The following RAB3IL1 variants were observed in gnomAD, a reference collection of about 807,000 sequenced individuals.
RAB3IL1 encodes RAB3A interacting protein like 1.
A neutral mutation model predicts 49.2 loss-of-function variants in RAB3IL1; 37 were observed. The observed-to-expected ratio is 0.75, with a 90% CI of 0.58 to 0.99. The LOEUF (loss-of-function observed/expected upper bound fraction) is 0.99, where lower values mean the gene tolerates loss of function less well. Among genes scored for constraint, RAB3IL1 ranks in the 50% least tolerant of loss-of-function variants. RAB3IL1 has a pLI of 0.00. For missense variants in RAB3IL1, 484 were observed against 513.0 expected (o/e 0.94, Z 0.55); for synonymous variants, 193 against 213.9 (o/e 0.90, Z 0.85).
upstream of RAB3IL1, among the ~76,000 whole-genome samples, chr11:61,920,931 AAAAC>A (rs777949894): frequency 3.9e-5 from 6 of 152,202 alleles, no homozygotes; most frequent in Non-Finnish European, 8.8e-5. Flanking sequence ...CTCAAAAAAC[AAAAC>A]AAACAAACAA....
In RAB3IL1 at chr11:61,898,466, C is replaced by T; in HGVS notation, c.1067-106G>A. The T allele has an allele frequency of 1.1e-6, 1 of 894,166 alleles. No homozygotes were observed. Among genetic ancestry groups the T allele is most frequent in the Non-Finnish European group, 1.8e-6 (1 of 554,080 alleles). The allele number at this position is 894,166 out of a possible 1,614,324, so 55.4% of individuals were successfully genotyped here. Reference sequence around the variant, plus strand: ...TTGGACAGAGCAGCTGGCACAGCACCCTAGGGTCCCCGGCCCCCAAAACAG... The same window carrying T: ...TTGGACAGAGCAGCTGGCACAGCACTCTAGGGTCCCCGGCCCCCAAAACAG... On this transcript the variant is annotated intron_variant, in intron 9 of 9. Coordinates refer to ENST00000394836, the MANE Select transcript of RAB3IL1 (RefSeq NM_013401.4). The surrounding 1 kb of genome is among the most constrained non-coding windows in gnomAD (Gnocchi z 5.1).
rs894352240 is a variant in RAB3IL1, at chr11:61,897,789, G to A, written c.*489C>T. The A allele has an allele frequency of 1.3e-5, 2 of 159,284 alleles. No individual in the cohort carries two copies. Among genetic ancestry groups the A allele is most frequent in the South Asian group, 1.7e-4 (1 of 5,772 alleles). The allele number at this position is 159,284 out of a possible 1,614,324, so 9.9% of individuals were successfully genotyped here. On this transcript the variant is annotated 3_prime_UTR_variant, in exon 10 of 10. Transcript: ENST00000394836. ...CTAGTAGTCCAATAGGGAGGCCACC[G>A]GGAACAAGGCACAGGATGGCCACAA...
chr11:61,902,647 G>T, intron 7 of RAB3IL1, 106 bp from the exon 8 acceptor site: 2 of 1,028,010 alleles, frequency 1.9e-6, no homozygotes, highest in Non-Finnish European at 2.9e-6. Flanking sequence ...ATGGGGAGGG[G>T]CAGGCCTCCC....
chr11:61,933,852 G>C, the RAB3IL1 span, among the ~76,000 whole-genome samples: 2 of 152,084 alleles, frequency 1.3e-5, no homozygotes, highest in Non-Finnish European at 2.9e-5. Flanking sequence ...GGCTGAGGCA[G>C]GAGAATCACT....
chr11:61,909,764 T>C (rs1939377084), intron 1 of RAB3IL1, among the ~76,000 whole-genome samples: 1 of 152,190 alleles, frequency 6.6e-6, no homozygotes, highest in African/African-American at 2.4e-5. Context: ...GGGGACTCAC[T>C]CTGCCAGACT....
chr11:61,918,624 C>T (rs1014361206), upstream of RAB3IL1, among the ~76,000 whole-genome samples: 4 of 152,220 alleles, frequency 2.6e-5, no homozygotes, highest in African/African-American at 9.6e-5. Context: ...TGGGGCTCCA[C>T]GTTGGTGGAG....
intron 6 of RAB3IL1, 31 bp downstream of exon 6, chr11:61,904,723 C>T (rs1165810047): frequency 1.9e-6 from 3 of 1,577,350 alleles, no homozygotes; most frequent in African/African-American, 1.3e-5. Flanking sequence ...GGGTGTGTCC[C>T]CCAGCTGGCC....
intron 8 of RAB3IL1, among the ~76,000 whole-genome samples, chr11:61,900,220 C>G (rs1296143052): frequency 6.6e-6 from 1 of 152,248 alleles, no homozygotes; most frequent in East Asian, 1.9e-4. Context: ...AGGCCACATC[C>G]TGGCTGGACT....
the RAB3IL1 span, among the ~76,000 whole-genome samples, chr11:61,927,833 C>T: frequency 4.6e-5 from 7 of 152,212 alleles, no homozygotes; most frequent in African/African-American, 1.2e-4. Context: ...CAGCCATGAT[C>T]GTAAGTTTCC....
At chr11:61,933,384 G>T in the RAB3IL1 span, among the ~76,000 whole-genome samples, 1 of 152,150 alleles carries the variant, frequency 6.6e-6, no homozygotes, top group Non-Finnish European at 1.5e-5. Flanking sequence ...AGGAGTGCTG[G>T]CAGCCACCAG....
chr11:61,917,496 C>A lies in RAB3IL1; in HGVS notation c.-129G>T. 8.7e-7 allele frequency: 1 copy of A among 1,142,870 alleles called. No individual in the cohort carries two copies. The highest frequency in any genetic ancestry group is 1.1e-6 in the Non-Finnish European group (1 of 932,646). The allele number at this position is 1,142,870 out of a possible 1,614,324, so 70.8% of individuals were successfully genotyped here. On this transcript the variant is annotated 5_prime_UTR_variant, in exon 1 of 10. Coordinates refer to ENST00000394836, the MANE Select transcript of RAB3IL1 (RefSeq NM_013401.4). Reference sequence around the variant, plus strand: ...ACCGCCTGTCAGCCCTGCCCGCGGCCGGTCAGTAGGTCTCAGACGCCTGGG... The same window carrying A: ...ACCGCCTGTCAGCCCTGCCCGCGGCAGGTCAGTAGGTCTCAGACGCCTGGG...
intron 9 of RAB3IL1, 149 bp downstream of exon 9, chr11:61,899,165 G>C: frequency 1.1e-6 from 1 of 888,008 alleles, no homozygotes; most frequent in South Asian, 1.6e-5. Flanking sequence ...GGAAGTTTGT[G>C]AACGCTTTAC....
intron 7 of RAB3IL1, 121 bp downstream of exon 7, chr11:61,904,425 G>T: frequency 1.0e-6 from 1 of 999,602 alleles, no homozygotes; most frequent in Non-Finnish European, 1.5e-6. Flanking sequence ...GCCCTGTGGG[G>T]GCAGCAACTG....
At chr11:61,928,440 G>A in the RAB3IL1 span, among the ~76,000 whole-genome samples, 309 of 151,786 alleles carry the variant, frequency 2.0e-3, 7 homozygotes, top group East Asian at 0.041. Flanking sequence ...CACAGAGCTA[G>A]GACCCTCAAA....
Position 61,904,796 on chromosome 11 carries a change from G to A in RAB3IL1, c.744C>T (p.Tyr248=), listed in dbSNP as rs1352096441. Residue 248 remains tyrosine (Y), a synonymous_variant, in exon 6 of 10, where the codon TAC becomes TAT. Coordinates refer to ENST00000394836, the MANE Select transcript of RAB3IL1 (RefSeq NM_013401.4). Reference sequence around the variant, plus strand: ...CCAGGCAGGGGCCCACGTCCTCTCGGTACACCCTTTCCAGGAAGGGGCAGG... The same window carrying A: ...CCAGGCAGGGGCCCACGTCCTCTCGATACACCCTTTCCAGGAAGGGGCAGG... ...DKTCPFLERV[Y]REDVGPCLDF... The A allele has an allele frequency of 6.2e-7, 1 of 1,611,018 alleles. No homozygotes were observed.
At chr11:61,904,967 G>T in intron 5 of RAB3IL1, 85 bp from the exon 6 acceptor site, 1 of 1,013,618 alleles carries the variant, frequency 9.9e-7, no homozygotes, top group Non-Finnish European at 1.5e-6. Flanking sequence ...AGGGGAGCGA[G>T]GGAGGACGTG....
At chr11:61,920,392 G>A, upstream of RAB3IL1, 1 of 640,736 alleles carries the variant, frequency 1.6e-6, no homozygotes, top group Non-Finnish European at 2.2e-6. Flanking sequence ...GGCTCCTCAG[G>A]CAGCAGAAGA....
At chr11:61,911,951 A>C (rs1939470306) in intron 1 of RAB3IL1, among the ~76,000 whole-genome samples, 1 of 152,058 alleles carries the variant, frequency 6.6e-6, no homozygotes, top group Admixed American at 6.6e-5. Flanking sequence ...TAAGAAGGAG[A>C]CCTAGACTCC....
chr11:61,923,771 A>G (rs1591246587), upstream of RAB3IL1, among the ~76,000 whole-genome samples: 2 of 152,256 alleles, frequency 1.3e-5, no homozygotes, highest in Admixed American at 1.3e-4. Context: ...GGGTGTTTGG[A>G]CAGCGCGGAT....
Sources: allele counts gnomAD v4.1 joint callset (sites outside exome capture counted in the v4.1 genomes callset), GRCh38; gene constraint gnomAD v4.1.1; non-coding constraint Gnocchi (gnomAD v3.1); transcripts MANE v1.5; gene names NCBI Gene and HGNC (gene_info 2026-07-23, HGNC 2026-07-21).